The following SBF2 variants were observed in gnomAD, a reference collection of about 807,000 sequenced individuals.
SBF2 encodes myotubularin-related protein 13.
A neutral mutation model predicts 225.2 loss-of-function variants in SBF2; 112 were observed. The observed-to-expected ratio is 0.50, with a 90% CI of 0.43 to 0.58. The LOEUF is 0.58. Among genes scored for constraint, SBF2 ranks in the 20% least tolerant of loss-of-function variants. SBF2 has a pLI of 0.00. For missense variants in SBF2, 1,996 were observed against 2,206.2 expected (o/e 0.90, Z 1.91); for synonymous variants, 763 against 773.3 (o/e 0.99, Z 0.22).
At chr11:10,100,716 G>A (rs1952257043) in intron 2 of SBF2, among the ~76,000 whole-genome samples, 1 of 152,084 alleles carries the variant, frequency 6.6e-6, no homozygotes, top group Admixed American at 6.5e-5. Context: ...CAGGGGTGTT[G>A]GTTTTTCTGT....
intron 2 of SBF2, among the ~76,000 whole-genome samples, chr11:10,051,778 C>T (rs1040781250): frequency 3.9e-5 from 6 of 152,000 alleles, no homozygotes; most frequent in African/African-American, 1.4e-4. Flanking sequence ...AGAAATGACC[C>T]TAACCTGCAG....
chr11:9,782,673 C>T (rs1852091956), intron 38 of SBF2, among the ~76,000 whole-genome samples: 1 of 151,938 alleles, frequency 6.6e-6, no homozygotes, highest in Non-Finnish European at 1.5e-5. Flanking sequence ...GAGTTTGAGA[C>T]CAGCCTGACC....
intron 13 of SBF2, among the ~76,000 whole-genome samples, chr11:9,976,125 G>A (rs1052597801): frequency 6.8e-6 from 1 of 147,342 alleles, no homozygotes; most frequent in Non-Finnish European, 1.5e-5. Flanking sequence ...CCAGGCTGGA[G>A]TGCAATGACG....
chr11:10,069,770 C>G (rs951533244), intron 2 of SBF2, among the ~76,000 whole-genome samples: 1 of 151,906 alleles, frequency 6.6e-6, no homozygotes, highest in Non-Finnish European at 1.5e-5. Context: ...ATTTATACTC[C>G]CACCAACAGT....
At chr11:10,172,434 C>T (rs1956236993) in intron 2 of SBF2, among the ~76,000 whole-genome samples, 1 of 152,178 alleles carries the variant, frequency 6.6e-6, no homozygotes, top group African/African-American at 2.4e-5. Context: ...TCACTGCAAC[C>T]TCCACCTCCC....
rs189127505 is a variant in SBF2, at chr11:10,267,117, T to C, written c.55+26898A>G. 3.8e-4 allele frequency among the ~76,000 whole-genome samples: 57 copies of C among 151,964 alleles called. 1 individual carries two copies. Among genetic ancestry groups the C allele is most frequent in the African/African-American group, 1.2e-3 (51 of 41,440 alleles). ...AAAAATAAATTAAATTAAATTAAATTACATTAAATTAAATTAAAAAGGGAA... is the reference window on the plus strand; with the variant it reads ...AAAAATAAATTAAATTAAATTAAATCACATTAAATTAAATTAAAAAGGGAA... On this transcript the variant is annotated intron_variant, in intron 1 of 39. Transcript: ENST00000256190.
chr11:9,934,278 T>G (rs1297702611), intron 16 of SBF2, among the ~76,000 whole-genome samples: 1 of 152,176 alleles, frequency 6.6e-6, no homozygotes, highest in East Asian at 1.9e-4. Context: ...AATCTCTGAA[T>G]AGACCAGTAA....
intron 3 of SBF2, among the ~76,000 whole-genome samples, chr11:10,032,789 C>T (rs1373273788): frequency 2.6e-5 from 4 of 152,234 alleles, no homozygotes; most frequent in Non-Finnish European, 5.9e-5. Flanking sequence ...AAAATAAGGG[C>T]TAGGCCCATA....
Position 10,151,732 on chromosome 11 carries a change from C to T in SBF2, c.141+42170G>A, listed in dbSNP as rs141356780. ...ATTGAGTATAACATAAAATTATGGA[C>T]TGGGGGACTTTGGCTACCACAGAAG... On this transcript the variant is annotated intron_variant, in intron 2 of 39. Coordinates refer to ENST00000256190, the MANE Select transcript of SBF2 (RefSeq NM_030962.4). Among the ~76,000 whole-genome samples the T allele has an allele frequency of 2.6e-3, 391 of 152,198 alleles. 3 individuals carry two copies. The highest frequency in any genetic ancestry group is 8.9e-3 in the African/African-American group (369 of 41,538).
At chr11:10,211,096 G>C (rs572140532) in intron 1 of SBF2, among the ~76,000 whole-genome samples, 1 of 146,884 alleles carries the variant, frequency 6.8e-6, no homozygotes, top group Admixed American at 7.0e-5. Flanking sequence ...CCAATCCCAG[G>C]TATACTGCTT....
intron 31 of SBF2, chr11:9,808,498 A>T: frequency 2.2e-6 from 1 of 459,130 alleles, no homozygotes; most frequent in Non-Finnish European, 4.0e-6. Flanking sequence ...AATCAATTCT[A>T]CTTTTTGGCA....
intron 1 of SBF2, among the ~76,000 whole-genome samples, chr11:10,286,975 T>C (rs1008052354): frequency 1.3e-5 from 2 of 152,238 alleles, no homozygotes; most frequent in African/African-American, 2.4e-5. Context: ...AGAACAATTA[T>C]GTTCACCATA....
At position 10,094,182 on chromosome 11, in the gene SBF2, T is replaced by C. The variant is rs113469556; in HGVS notation, c.142-51201A>G. ...TCTGTCTCTACTAAAAATACAAAAT[T>C]AGTGGTGGCGCATGCCTGTAATCCC... On this transcript the variant is annotated intron_variant, in intron 2 of 39. Coordinates refer to ENST00000256190, the MANE Select transcript of SBF2 (RefSeq NM_030962.4). 5.7e-3 allele frequency among the ~76,000 whole-genome samples: 866 copies of C among 151,838 alleles called. 14 individuals are homozygous for C. Among genetic ancestry groups the C allele is most frequent in the African/African-American group, 0.019 (792 of 41,430 alleles).
At chr11:10,086,663 T>A (rs1951578716) in intron 2 of SBF2, among the ~76,000 whole-genome samples, 2 of 152,308 alleles carry the variant, frequency 1.3e-5, no homozygotes, top group Middle Eastern at 3.4e-3. Flanking sequence ...ACAGGTATAA[T>A]AATGTCTACG....
At chr11:9,817,066 G>A (rs774375956) in intron 28 of SBF2, 42 bp from the exon 29 acceptor site, 5 of 1,606,334 alleles carry the variant, frequency 3.1e-6, no homozygotes, top group Non-Finnish European at 4.3e-6. Flanking sequence ...AATCTAATGT[G>A]GGAATGCCAC....
chr11:10,279,105 TTAAAAA>T (rs1963206449), intron 1 of SBF2, among the ~76,000 whole-genome samples: 1 of 77,624 alleles, frequency 1.3e-5, no homozygotes, highest in East Asian at 3.5e-4. Flanking sequence ...CGGTCTTGTA[TTAAAAA>T]AAAAAAAAAA....
At chr11:10,000,561 A>G (rs1428412578) in intron 8 of SBF2, among the ~76,000 whole-genome samples, 1 of 152,168 alleles carries the variant, frequency 6.6e-6, no homozygotes, top group African/African-American at 2.4e-5. Flanking sequence ...GTTATCAGGA[A>G]TTTGGTATCA....
At chr11:9,921,937 C>G (rs1863664062) in intron 16 of SBF2, among the ~76,000 whole-genome samples, 1 of 152,166 alleles carries the variant, frequency 6.6e-6, no homozygotes, top group South Asian at 2.1e-4. Context: ...GGGAGTGATT[C>G]CAATAGCAAT....
intron 16 of SBF2, among the ~76,000 whole-genome samples, chr11:9,942,901 GAGAA>G (rs1183181431): frequency 0.012 from 1,185 of 101,342 alleles, 17 homozygotes; most frequent in African/African-American, 0.037. Context: ...AAGAGAGAGA[GAGAA>G]AGAAAGAAAG....
Sources: allele counts gnomAD v4.1 joint callset (sites outside exome capture counted in the v4.1 genomes callset), GRCh38; gene constraint gnomAD v4.1.1; transcripts MANE v1.5; gene names NCBI Gene and HGNC (gene_info 2026-07-23, HGNC 2026-07-21).